The following EYS variants were observed in gnomAD, a reference collection of about 807,000 sequenced individuals.
The protein encoded by EYS is EGF-like photoreceptor maintenance factor.
Under a neutral mutation model 282.1 loss-of-function variants are expected in EYS, and 250 were observed. That is an observed-to-expected ratio of 0.89 (90% confidence interval 0.80 to 0.98). EYS has a LOEUF of 0.98. Among genes scored for constraint, EYS ranks in the 50% least tolerant of loss-of-function variants. EYS has a pLI of 0.00. For synonymous variants in EYS, 1,355 were observed against 1,282.9 expected (o/e 1.06, Z -1.20); for missense variants, 4,016 against 3,709.0 (o/e 1.08, Z -2.15).
chr6:65,003,108 T>C lies in EYS; in HGVS notation c.2138-5405A>G, dbSNP rs375550827. Among the ~76,000 whole-genome samples, 31 of 148,016 alleles carry C rather than the reference T, an allele frequency of 2.1e-4. 7 individuals carry two copies. The East Asian group carries it at 5.9e-3, about 28-fold the overall frequency. ...AAACAAGAGAGATAACCTTGAACTCTGACCGCCGGTGAGCTGGGCAGAACA... is the reference window on the plus strand; with the variant it reads ...AAACAAGAGAGATAACCTTGAACTCCGACCGCCGGTGAGCTGGGCAGAACA... On this transcript the variant is annotated intron_variant, in intron 13 of 42. Coordinates refer to ENST00000503581, the MANE Select transcript of EYS (RefSeq NM_001142800.2).
At chr6:64,436,843 G>A (rs1774768831) in intron 27 of EYS, among the ~76,000 whole-genome samples, 1 of 151,792 alleles carries the variant, frequency 6.6e-6, no homozygotes, top group Non-Finnish European at 1.5e-5. Flanking sequence ...ATACATGGAT[G>A]TGCTACATTG....
chr6:64,514,262 G>A (rs1399844216), intron 26 of EYS, among the ~76,000 whole-genome samples: 2 of 151,768 alleles, frequency 1.3e-5, no homozygotes, highest in Non-Finnish European at 2.9e-5. Context: ...CCAAGTGTGA[G>A]TGAATATCAA....
At chr6:64,034,525 G>A (rs770714170) in intron 33 of EYS, among the ~76,000 whole-genome samples, 17 of 152,144 alleles carry the variant, frequency 1.1e-4, no homozygotes, top group Non-Finnish European at 2.1e-4. Context: ...AGTTCCCAAC[G>A]CCATCTCCAC....
chr6:64,325,985 G>A (rs762510190), intron 29 of EYS, among the ~76,000 whole-genome samples: 25 of 152,216 alleles, frequency 1.6e-4, no homozygotes, highest in Non-Finnish European at 3.5e-4. Flanking sequence ...AACATATTTG[G>A]GGGAATAATT....
intron 31 of EYS, among the ~76,000 whole-genome samples, chr6:64,090,484 A>G (rs1177357198): frequency 1.3e-5 from 2 of 152,088 alleles, no homozygotes; most frequent in African/African-American, 4.8e-5. Context: ...TATCAACACA[A>G]ATATATACTT....
intron 14 of EYS, among the ~76,000 whole-genome samples, chr6:64,978,731 A>G (rs962896881): frequency 1.4e-4 from 22 of 151,936 alleles, no homozygotes; most frequent in African/African-American, 5.3e-4. Flanking sequence ...ATCCACATTA[A>G]TAAGAGTTTG....
intron 31 of EYS, among the ~76,000 whole-genome samples, chr6:64,192,249 G>T (rs553315148): frequency 6.6e-6 from 1 of 151,696 alleles, no homozygotes; most frequent in Admixed American, 6.6e-5. Context: ...AGATGAGTAG[G>T]TTGCGAAAAT....
At chr6:65,122,567 G>C (rs1024927400) in intron 12 of EYS, among the ~76,000 whole-genome samples, 1 of 152,024 alleles carries the variant, frequency 6.6e-6, no homozygotes, top group Non-Finnish European at 1.5e-5. Flanking sequence ...AAAAAAAAGT[G>C]TGGTCCCATT....
At chr6:64,696,452 C>G (rs910711770) in intron 22 of EYS, among the ~76,000 whole-genome samples, 23 of 152,058 alleles carry the variant, frequency 1.5e-4, no homozygotes, top group Admixed American at 1.3e-3. Context: ...TAAGAAAAAG[C>G]TTTCTTAGTC....
intron 34 of EYS, among the ~76,000 whole-genome samples, chr6:63,993,958 T>A (rs1285234866): frequency 6.6e-6 from 1 of 151,786 alleles, no homozygotes; most frequent in African/African-American, 2.4e-5. Flanking sequence ...TATAAACCAA[T>A]GAAACATAAG....
chr6:64,160,604 G>T (rs1177465261), intron 31 of EYS, among the ~76,000 whole-genome samples: 1 of 152,166 alleles, frequency 6.6e-6, no homozygotes, highest in African/African-American at 2.4e-5. Context: ...GCCCTCTGCT[G>T]AATTCATTGA....
At chr6:65,024,613 TATAA>T (rs35013470) in intron 13 of EYS, among the ~76,000 whole-genome samples, 50,594 of 151,828 alleles carry the variant, frequency 0.33, 10,358 homozygotes, top group African/African-American at 0.57. Flanking sequence ...CATTTTCATA[TATAA>T]ATAAATTCCA....
intron 15 of EYS, among the ~76,000 whole-genome samples, chr6:64,942,256 G>A (rs373733038): frequency 0.015 from 2,250 of 145,812 alleles, 72 homozygotes; most frequent in African/African-American, 0.053. Context: ...TGTTAAATGC[G>A]TATCTCAAAA....
intron 26 of EYS, among the ~76,000 whole-genome samples, chr6:64,528,266 A>G (rs919714735): frequency 6.6e-6 from 1 of 151,684 alleles, no homozygotes; most frequent in Non-Finnish European, 1.5e-5. Context: ...CTCCTCCCCT[A>G]TATCATTTAT....
At chr6:65,370,903 A>C (rs1000035551) in intron 8 of EYS, among the ~76,000 whole-genome samples, 6 of 151,948 alleles carry the variant, frequency 3.9e-5, no homozygotes, top group Non-Finnish European at 5.9e-5. Flanking sequence ...TTCTTCATAG[A>C]GATTACATTT....
chr6:63,756,989 A>T (rs1256650482), intron 41 of EYS, among the ~76,000 whole-genome samples: 2 of 152,128 alleles, frequency 1.3e-5, no homozygotes, highest in Non-Finnish European at 2.9e-5. Flanking sequence ...TGTGTGTTTG[A>T]ACAATATGAA....
chr6:65,353,758 AT>A (rs1764375347), intron 8 of EYS, 141 bp from the exon 9 acceptor site: 11 of 638,486 alleles, frequency 1.7e-5, no homozygotes, highest in Admixed American at 2.7e-5. Flanking sequence ...ACTTCTCTTT[AT>A]TTCTTCTATT....
intron 15 of EYS, among the ~76,000 whole-genome samples, chr6:64,919,857 G>A (rs928756957): frequency 1.2e-4 from 18 of 152,000 alleles, no homozygotes; most frequent in Non-Finnish European, 1.9e-4. Flanking sequence ...AATATTCCTC[G>A]TTTCATAGAA....
chr6:63,864,318 A>C lies in EYS; in HGVS notation c.7096T>G (p.Ser2366Ala). The stretch of plus-strand genomic sequence containing the variant: ...CTTGCAAACTGGCACAGCTTGCCTG[A>C]ATACAGCCTTGGACACTCACAAAAC... ...NLFCECPRLY[S>A]GKLCQFASCE... Residue 2366 changes from serine (S) to alanine (A), a missense_variant, in exon 36 of 43, where the codon TCA becomes GCA. Transcript: ENST00000503581. 6.4e-7 allele frequency: 1 copy of C among 1,551,732 alleles called. No homozygotes were observed. The highest frequency in any genetic ancestry group is 2.4e-5 in the East Asian group (1 of 40,920).
Sources: allele counts gnomAD v4.1 joint callset (sites outside exome capture counted in the v4.1 genomes callset), GRCh38; gene constraint gnomAD v4.1.1; transcripts MANE v1.5; gene names NCBI Gene and HGNC (gene_info 2026-07-23, HGNC 2026-07-21).